TESK2: variants seen among roughly 807,000 people sequenced by gnomAD.
The protein encoded by TESK2 is dual specificity testis-specific protein kinase 2.
A neutral mutation model predicts 57.1 loss-of-function variants in TESK2; 39 were observed. That is an observed-to-expected ratio of 0.68 (90% CI 0.53 to 0.89). The LOEUF (loss-of-function observed/expected upper bound fraction) is 0.89. Ranked by LOEUF, TESK2 falls within the 40% of genes least tolerant of loss-of-function variation. TESK2 has a pLI of 0.00. For missense variants in TESK2, 646 were observed against 732.1 expected (o/e 0.88, Z 1.36); for synonymous variants, 249 against 267.9 (o/e 0.93, Z 0.69).
chr1:45,462,273 C>CT (rs879331274), intron 1 of TESK2, among the ~76,000 whole-genome samples: 1,827 of 147,824 alleles, frequency 0.012, 29 homozygotes, highest in African/African-American at 0.039. Flanking sequence ...AAAGGGATCT[C>CT]TTTTTTTTTT....
chr1:45,379,404 T>C (rs970027116), intron 4 of TESK2, among the ~76,000 whole-genome samples: 3 of 152,190 alleles, frequency 2.0e-5, no homozygotes, highest in African/African-American at 7.2e-5. Context: ...CCTCATATAA[T>C]CCTCCTGCCT....
At chr1:45,353,490 T>G (rs2149264462) in intron 5 of TESK2, among the ~76,000 whole-genome samples, 1 of 152,358 alleles carries the variant, frequency 6.6e-6, no homozygotes, top group South Asian at 2.1e-4. Context: ...ATTGACTCAG[T>G]ACTGCTGCTT....
intron 3 of TESK2, chr1:45,415,426 G>A (rs112764047): frequency 1.0e-4 from 70 of 687,682 alleles, no homozygotes; most frequent in Middle Eastern, 4.4e-4. Context: ...CCATTTGCTC[G>A]CAATATCCCA....
At chr1:45,372,580 A>C (rs1648236396) in intron 4 of TESK2, among the ~76,000 whole-genome samples, 1 of 151,974 alleles carries the variant, frequency 6.6e-6, no homozygotes, top group African/African-American at 2.4e-5. Flanking sequence ...CTGTCTCAAC[A>C]ACAACAACAA....
intron 2 of TESK2, among the ~76,000 whole-genome samples, chr1:45,440,724 AAAACAAAC>A (rs201978292): frequency 1.3e-5 from 2 of 148,746 alleles, no homozygotes; most frequent in Non-Finnish European, 2.9e-5. Context: ...TCAAAAAAAA[AAAACAAAC>A]AAACAAACAA....
chr1:45,423,068 A>G (rs1650544771), intron 2 of TESK2, among the ~76,000 whole-genome samples: 1 of 152,110 alleles, frequency 6.6e-6, no homozygotes, highest in Admixed American at 6.6e-5. Context: ...TTAGAAAAAA[A>G]AAATGAGGGA....
At chr1:45,399,705 C>G (rs1031304010) in intron 3 of TESK2, among the ~76,000 whole-genome samples, 6 of 152,116 alleles carry the variant, frequency 3.9e-5, no homozygotes, top group Middle Eastern at 3.2e-3. Context: ...CTGCCTCGGC[C>G]TCCCAAATTG....
At chr1:45,386,176 C>G (rs11211103) in intron 3 of TESK2, among the ~76,000 whole-genome samples, 3 of 151,820 alleles carry the variant, frequency 2.0e-5, no homozygotes. Context: ...GAAACCACAT[C>G]TCTATTAAAA....
Position 45,466,468 on chromosome 1 carries a change from C to T in TESK2, c.-86-8597G>A, listed in dbSNP as rs185062403. Reference sequence around the variant, plus strand: ...CAGCCTGGGCAACAGAGCAAGACTCCGTCTCAAAAAAAACAAAAACAAAAA... The same window carrying T: ...CAGCCTGGGCAACAGAGCAAGACTCTGTCTCAAAAAAAACAAAAACAAAAA... On this transcript the variant is annotated intron_variant, in intron 1 of 10. Coordinates refer to ENST00000372086, the MANE Select transcript of TESK2 (RefSeq NM_007170.3). 2.8e-3 allele frequency among the ~76,000 whole-genome samples: 423 copies of T among 148,854 alleles called. 2 individuals carry two copies. The highest frequency in any genetic ancestry group is 0.013 in the East Asian group (66 of 5,064).
chr1:45,471,916 C>T (rs1336163731), intron 1 of TESK2, among the ~76,000 whole-genome samples: 1 of 152,076 alleles, frequency 6.6e-6, no homozygotes. Flanking sequence ...ACCTCAGCCG[C>T]CTCAGCACTA....
chr1:45,356,331 T>C (rs914296067), intron 4 of TESK2, among the ~76,000 whole-genome samples: 2 of 151,970 alleles, frequency 1.3e-5, no homozygotes, highest in African/African-American at 4.8e-5. Context: ...GAAGAGGCAA[T>C]GTTAAAAGAG....
At chr1:45,374,166 T>C (rs1479056751) in intron 4 of TESK2, among the ~76,000 whole-genome samples, 3 of 152,234 alleles carry the variant, frequency 2.0e-5, no homozygotes, top group Non-Finnish European at 2.9e-5. Context: ...TGAAATGACC[T>C]TGAAAGAGGC....
Position 45,417,085 on chromosome 1 carries a change from C to T in TESK2, c.344+4640G>A, listed in dbSNP as rs554284841. On this transcript the variant is annotated intron_variant, in intron 3 of 10. Transcript: ENST00000372086. ...ACAGGCATGAGCCACTGCACCCAGC[C>T]TCTTCTCTCTACTTCTATGAGATCG... Among the ~76,000 whole-genome samples the T allele has an allele frequency of 4.9e-4, 75 of 152,262 alleles. 2 individuals carry two copies. Among genetic ancestry groups the T allele is most frequent in the African/African-American group, 1.8e-3 (73 of 41,542 alleles).
intron 7 of TESK2, among the ~76,000 whole-genome samples, 188 bp downstream of exon 7, chr1:45,347,421 C>A (rs1400305703): frequency 6.6e-6 from 1 of 152,114 alleles, no homozygotes. Flanking sequence ...AAAAAATTAG[C>A]TGGGCGTGGT....
In TESK2 at chr1:45,409,417, T is replaced by C. The variant is rs183923457; in HGVS notation, c.344+12308A>G. On this transcript the variant is annotated intron_variant, in intron 3 of 10. Transcript: ENST00000372086. ...GGGTTAGTGAGTGTGGTTAGAATGA[T>C]GTAAGAAAAAGGAAGAATGATTGGA... 2.8e-4 allele frequency among the ~76,000 whole-genome samples: 43 copies of C among 152,204 alleles called. 1 individual carries two copies. The East Asian group carries it at 5.6e-3, about 20-fold the overall frequency.
At chr1:45,402,417 G>GA (rs1413741057) in intron 3 of TESK2, among the ~76,000 whole-genome samples, 4 of 145,648 alleles carry the variant, frequency 2.7e-5, no homozygotes, top group African/African-American at 1.0e-4. Context: ...AAAAGAAAAA[G>GA]AAAAAAGAAA....
chr1:45,370,984 C>T (rs1648154460), intron 4 of TESK2, among the ~76,000 whole-genome samples: 1 of 151,872 alleles, frequency 6.6e-6, no homozygotes, highest in South Asian at 2.1e-4. Context: ...AAATAAACAC[C>T]TATCAACTGG....
At chr1:45,390,246 T>A (rs1466146703) in intron 3 of TESK2, among the ~76,000 whole-genome samples, 1 of 152,134 alleles carries the variant, frequency 6.6e-6, no homozygotes, top group Non-Finnish European at 1.5e-5. Flanking sequence ...GCCTGGAGAA[T>A]ACGGTGAAAT....
intron 4 of TESK2, among the ~76,000 whole-genome samples, chr1:45,365,756 G>A (rs933998409): frequency 6.9e-6 from 1 of 144,790 alleles, no homozygotes; most frequent in Non-Finnish European, 1.5e-5. Context: ...TCAGCTCACT[G>A]CAACCTCTGC....
Sources: allele counts gnomAD v4.1 joint callset (sites outside exome capture counted in the v4.1 genomes callset), GRCh38; gene constraint gnomAD v4.1.1; transcripts MANE v1.5; gene names NCBI Gene and HGNC (gene_info 2026-07-23, HGNC 2026-07-21).